Variants in SLIT2 observed in about 807,000 individuals in gnomAD.
SLIT2 encodes the protein slit homolog 2 protein.
In SLIT2, 41 loss-of-function variants were observed where a neutral mutation model predicts 185.7. The observed-to-expected ratio is 0.22, with a 90% CI of 0.17 to 0.29. The LOEUF is 0.29. Ranked by LOEUF, SLIT2 falls within the 10% of genes least tolerant of loss-of-function variation. The probability of loss-of-function intolerance (pLI) is 1.00; values close to 1 mark genes in which losing one functional copy is unlikely to be tolerated. For synonymous variants in SLIT2, 693 were observed against 680.2 expected (o/e 1.02, Z -0.29); for missense variants, 1,571 against 1,909.0 (o/e 0.82, Z 3.30).
intron 33 of SLIT2, among the ~76,000 whole-genome samples, chr4:20,605,995 C>G (rs1427712005): frequency 3.3e-5 from 5 of 151,912 alleles, no homozygotes; most frequent in Admixed American, 2.0e-4. Flanking sequence ...GCAATCCGCC[C>G]ATCTTGGCCT....
At chr4:20,554,951 G>T (rs1256928409) in intron 26 of SLIT2, among the ~76,000 whole-genome samples, 1 of 152,010 alleles carries the variant, frequency 6.6e-6, no homozygotes, top group African/African-American at 2.4e-5. Context: ...TGTATTTTTA[G>T]TAGAGACGGG....
At chr4:20,341,292 G>T (rs1162923846) in intron 4 of SLIT2, among the ~76,000 whole-genome samples, 1 of 152,186 alleles carries the variant, frequency 6.6e-6, no homozygotes, top group Non-Finnish European at 1.5e-5. Flanking sequence ...GTGTAAGAAA[G>T]AATTGGATGA....
intron 4 of SLIT2, among the ~76,000 whole-genome samples, chr4:20,276,763 G>T (rs1022823620): frequency 5.3e-5 from 8 of 152,080 alleles, no homozygotes; most frequent in African/African-American, 1.7e-4. Context: ...CTTCCCCTCC[G>T]ACAGTTCCAA....
At chr4:20,605,743 A>ATTTT (rs1476071062) in intron 33 of SLIT2, among the ~76,000 whole-genome samples, 1 of 149,240 alleles carries the variant, frequency 6.7e-6, no homozygotes, top group African/African-American at 2.5e-5. Flanking sequence ...ATTTTATTTT[A>ATTTT]TTTTATTTTA....
rs567537014 is a variant in SLIT2 at position 20,555,915 on chromosome 4, ATT to A, written c.2725+1953_2725+1954del. Among the ~76,000 whole-genome samples the A allele has an allele frequency of 6.2e-3, 941 of 151,992 alleles. 19 individuals carry two copies. The highest frequency in any genetic ancestry group is 0.021 in the African/African-American group (883 of 41,368). ...TTTCAATACCCCAGAAAATTGTGTCATTTTTTTGCTCCAAAAACTATGTATAC... is the reference window on the plus strand; with the variant it reads ...TTTCAATACCCCAGAAAATTGTGTCATTTTTGCTCCAAAAACTATGTATAC... On this transcript the variant is annotated intron_variant, in intron 26 of 36. Coordinates refer to ENST00000504154, the MANE Select transcript of SLIT2 (RefSeq NM_004787.4).
intron 3 of SLIT2, among the ~76,000 whole-genome samples, chr4:20,260,308 G>A (rs1177366425): frequency 6.6e-6 from 1 of 151,638 alleles, no homozygotes; most frequent in East Asian, 1.9e-4. Context: ...TTTTTATTAT[G>A]TATTGTGTAA....
intron 19 of SLIT2, 78 bp downstream of exon 19, chr4:20,539,662 C>A: frequency 1.1e-6 from 1 of 921,630 alleles, no homozygotes; most frequent in Non-Finnish European, 1.5e-6. Context: ...TATTATTAAG[C>A]ATTTCATTAA....
intron 30 of SLIT2, among the ~76,000 whole-genome samples, chr4:20,593,780 A>C (rs895626136): frequency 2.0e-5 from 3 of 152,060 alleles, no homozygotes; most frequent in African/African-American, 4.8e-5. Flanking sequence ...ACCTCAGTAA[A>C]TCTAGAATAA....
chr4:20,358,665 A>G (rs1722520097), intron 4 of SLIT2, among the ~76,000 whole-genome samples: 1 of 152,150 alleles, frequency 6.6e-6, no homozygotes, highest in Non-Finnish European at 1.5e-5. Flanking sequence ...GAAGTTTGAC[A>G]AACTCATGCA....
chr4:20,368,579 T>G (rs867208372), intron 4 of SLIT2, among the ~76,000 whole-genome samples: 4 of 152,082 alleles, frequency 2.6e-5, no homozygotes, highest in Admixed American at 1.3e-4. Flanking sequence ...ATGTAAAAAT[T>G]ACATAAACTC....
intron 4 of SLIT2, among the ~76,000 whole-genome samples, chr4:20,415,378 T>G (rs1727574127): frequency 8.7e-6 from 1 of 115,052 alleles, no homozygotes; most frequent in Admixed American, 1.3e-4. Flanking sequence ...ACCACTGCGC[T>G]CCAGCCTGGG....
intron 9 of SLIT2, among the ~76,000 whole-genome samples, chr4:20,498,947 G>A (rs1490921138): frequency 6.6e-6 from 1 of 152,148 alleles, no homozygotes. Context: ...GGATTGATAG[G>A]TCAAATAATA....
At chr4:20,506,383 A>G (rs1178083816) in intron 9 of SLIT2, among the ~76,000 whole-genome samples, 1 of 151,998 alleles carries the variant, frequency 6.6e-6, no homozygotes, top group Non-Finnish European at 1.5e-5. Context: ...GAATCCCAGA[A>G]TGTTTTTAAT....
At chr4:20,280,837 T>TG (rs1400783085) in intron 4 of SLIT2, among the ~76,000 whole-genome samples, 4 of 151,488 alleles carry the variant, frequency 2.6e-5, no homozygotes, top group East Asian at 3.9e-4. Flanking sequence ...AAAAATGTTT[T>TG]TTTTTTTTTT....
At chr4:20,597,045 A>G (rs1179430213) in intron 32 of SLIT2, among the ~76,000 whole-genome samples, 1 of 150,190 alleles carries the variant, frequency 6.7e-6, no homozygotes, top group Non-Finnish European at 1.5e-5. Context: ...TTCAACCACC[A>G]GCACCTTTTT....
At chr4:20,588,456 T>C (rs1390134836) in intron 29 of SLIT2, among the ~76,000 whole-genome samples, 2 of 152,210 alleles carry the variant, frequency 1.3e-5, no homozygotes, top group Non-Finnish European at 2.9e-5. Flanking sequence ...CCTGAAATTT[T>C]AACCGATGCT....
chr4:20,421,767 T>G (rs1728189003), intron 4 of SLIT2, among the ~76,000 whole-genome samples: 1 of 152,204 alleles, frequency 6.6e-6, no homozygotes, highest in Non-Finnish European at 1.5e-5. Flanking sequence ...CCAGCTCTGA[T>G]GTCAAGAGGC....
chr4:20,575,574 T>C (rs933332607), intron 29 of SLIT2, among the ~76,000 whole-genome samples: 1 of 152,148 alleles, frequency 6.6e-6, no homozygotes, highest in Admixed American at 6.5e-5. Flanking sequence ...CACTTTGAGG[T>C]GGGGGCCTCT....
At chr4:20,444,260 A>G (rs1711532834) in intron 4 of SLIT2, among the ~76,000 whole-genome samples, 1 of 152,176 alleles carries the variant, frequency 6.6e-6, no homozygotes, top group Non-Finnish European at 1.5e-5. Context: ...CATTGTGGCA[A>G]ATGGAAACGG....
Sources: gnomAD v4.1 joint callset for allele counts (sites outside exome capture counted in the v4.1 genomes callset) on GRCh38, gnomAD v4.1.1 for gene constraint, MANE v1.5 for transcripts, NCBI Gene and HGNC (gene_info 2026-07-23, HGNC 2026-07-21) for gene names.